The following CROCC2 variants were observed in gnomAD, a reference collection of about 807,000 sequenced individuals.
The protein encoded by CROCC2 is ciliary rootlet coiled-coil, rootletin family member 2, also known as ciliary rootlet coiled-coil protein 2.
Under a neutral mutation model 177.6 loss-of-function variants are expected in CROCC2, and 163 were observed. That is an observed-to-expected ratio of 0.92 (90% confidence interval 0.81 to 1.05). CROCC2 has a LOEUF of 1.05. Among genes scored for constraint, CROCC2 ranks in the 50% least tolerant of loss-of-function variants. CROCC2 has a pLI of 0.00. For synonymous variants in CROCC2, 904 were observed against 787.3 expected (o/e 1.15, Z -2.48); for missense variants, 1,929 against 1,797.8 (o/e 1.07, Z -1.32).
intron 31 of CROCC2, among the ~76,000 whole-genome samples, chr2:240,991,488 C>T (rs1229606596): frequency 6.6e-6 from 1 of 152,234 alleles, no homozygotes; most frequent in Non-Finnish European, 1.5e-5. Flanking sequence ...AGGCAGCCAC[C>T]GCCCGGGCCA....
chr2:240,946,504 G>T (rs1052624381), intron 15 of CROCC2, among the ~76,000 whole-genome samples: 5 of 152,372 alleles, frequency 3.3e-5, no homozygotes, highest in African/African-American at 9.6e-5. Context: ...CAGAAACACA[G>T]CTCAGACCAG....
At chr2:240,950,652 C>A in intron 18 of CROCC2, 142 bp downstream of exon 18, 1 of 799,468 alleles carries the variant, frequency 1.3e-6, no homozygotes, top group Non-Finnish European at 1.9e-6. Flanking sequence ...TCCATCCAAC[C>A]ATCCGTCCAC....
chr2:240,948,731 T>A, intron 15 of CROCC2, among the ~76,000 whole-genome samples: 1 of 152,282 alleles, frequency 6.6e-6, no homozygotes, highest in South Asian at 2.1e-4. Flanking sequence ...AATCACGCCG[T>A]ATGTGGGGGT....
intron 28 of CROCC2, among the ~76,000 whole-genome samples, chr2:240,987,926 T>G (rs2059851152): frequency 6.6e-6 from 1 of 152,204 alleles, no homozygotes; most frequent in Non-Finnish European, 1.5e-5. Context: ...CAACTCCCCA[T>G]GAGGCATGCC....
At chr2:240,947,928 C>A (rs557426382) in intron 15 of CROCC2, among the ~76,000 whole-genome samples, 140 of 152,146 alleles carry the variant, frequency 9.2e-4, no homozygotes, top group Non-Finnish European at 1.5e-3. Flanking sequence ...TTCTCCTGGG[C>A]CCCCAAGGAG....
chr2:240,989,611 C>T (rs568794890), intron 29 of CROCC2, 43 bp from the exon 30 acceptor site: 133 of 1,513,262 alleles, frequency 8.8e-5, no homozygotes, highest in Middle Eastern at 6.9e-4. Flanking sequence ...CTGTGCGGCC[C>T]TCAGTGAGAG....
intron 8 of CROCC2, 128 bp downstream of exon 8, chr2:240,932,542 C>T (rs371195955): frequency 4.2e-5 from 29 of 689,212 alleles, no homozygotes; most frequent in African/African-American, 3.9e-4. Flanking sequence ...CCCTGCAGTG[C>T]ACTTTGAGGC....
In CROCC2 at chr2:240,917,141, G is replaced by A. The variant is rs974778675; in HGVS notation, c.79-1585G>A. ...GACTGAGAGACAGACCCTGGTGCAC[G>A]GGCTGTCGGGAGGACGGGCGGGCTG... On this transcript the variant is annotated intron_variant, in intron 1 of 31. Transcript: ENST00000690015. The surrounding 1 kb of genome is among the most constrained non-coding windows in gnomAD (Gnocchi z 4.9). 3.3e-5 allele frequency among the ~76,000 whole-genome samples: 5 copies of A among 152,142 alleles called. No homozygotes were observed. Among genetic ancestry groups the A allele is most frequent in the African/African-American group, 1.2e-4 (5 of 41,440 alleles).
chr2:240,983,283 C>G (rs1264091143), intron 28 of CROCC2: 1 of 1,021,518 alleles, frequency 9.8e-7, no homozygotes, highest in Non-Finnish European at 1.4e-6. Flanking sequence ...CAGTAAGCAC[C>G]CCTACAACAG....
chr2:240,925,052 G>C (rs1348496291), intron 4 of CROCC2, among the ~76,000 whole-genome samples: 1 of 149,914 alleles, frequency 6.7e-6, no homozygotes, highest in Admixed American at 6.7e-5. Context: ...CAGCAACCAA[G>C]GCCCACCAGT....
intron 28 of CROCC2, among the ~76,000 whole-genome samples, chr2:240,984,126 G>A (rs986286099): frequency 7.2e-5 from 11 of 152,148 alleles, no homozygotes; most frequent in African/African-American, 2.7e-4. Context: ...CGGCCTCCCC[G>A]GTGCAAGACA....
intron 31 of CROCC2, among the ~76,000 whole-genome samples, chr2:240,992,346 G>A (rs558714634): frequency 6.6e-6 from 1 of 152,310 alleles, no homozygotes; most frequent in East Asian, 1.9e-4. Flanking sequence ...AGAGGCTCCC[G>A]GCCCCCACCC....
At chr2:240,967,636 G>A (rs1368175811) in intron 26 of CROCC2, 171 bp downstream of exon 26, 11 of 953,872 alleles carry the variant, frequency 1.2e-5, no homozygotes, top group Non-Finnish European at 8.7e-6. Flanking sequence ...GTCAGCGCTT[G>A]GCATCGGAGT....
intron 18 of CROCC2, 153 bp downstream of exon 18, chr2:240,950,663 T>TCACC (rs1310041348): frequency 1.4e-6 from 1 of 702,164 alleles, no homozygotes; most frequent in Non-Finnish European, 2.3e-6. Context: ...ATCCGTCCAC[T>TCACC]CACCCACCCA....
chr2:240,933,010 G>A (rs1004261611), intron 9 of CROCC2, 102 bp downstream of exon 9: 25 of 1,492,882 alleles, frequency 1.7e-5, no homozygotes, highest in Admixed American at 4.1e-5. Flanking sequence ...GAGCCCCATG[G>A]CTCCAGGGAG....
In CROCC2 at chr2:240,933,190, G is replaced by A; in HGVS notation, c.1311G>A (p.Leu437=). 6.5e-7 allele frequency: 1 copy of A among 1,549,812 alleles called. No individual in the cohort carries two copies. The highest frequency in any genetic ancestry group is 8.7e-7 in the Non-Finnish European group (1 of 1,146,646). The change falls in exon 10 of 32, where the codon CTG becomes CTA. Residue 437 remains leucine (L), a synonymous_variant. Transcript: ENST00000690015. ...TGGTGGCCAGTCTCCAGGAGCAGCT[G>A]TCCGAAAGCCGGCGGGAGCTGTGGG... is the stretch of plus-strand genomic sequence containing the variant. The part of the protein sequence containing the change: ...QALVASLQEQ[L]SESRRELWAA...
At position 240,993,100 on chromosome 2, in the gene CROCC2, GGCGCCCA is replaced by G. The variant is rs909310806; in HGVS notation, c.*23_*29del. ...GGACTGAAGCTCCCAGCACAGGGGA[GGCGCCCA>G]GCGTGGCTGCAGAGGAAGGGAACGC... On this transcript the variant is annotated 3_prime_UTR_variant, in exon 32 of 32. Coordinates refer to ENST00000690015, the MANE Select transcript of CROCC2 (RefSeq NM_001351305.2). 5.4e-5 allele frequency: 39 copies of G among 716,508 alleles called. No homozygotes were observed. The African/African-American group carries it at 6.1e-4, about 11-fold the overall frequency. 44.4% of individuals were successfully genotyped at this position (716,508 alleles called of 1,614,324 possible). A position where few individuals can be genotyped will look rare whatever the true frequency, so the allele number is the denominator to read the frequency against.
intron 1 of CROCC2, among the ~76,000 whole-genome samples, chr2:240,916,601 C>G (rs1386353769): frequency 6.6e-6 from 1 of 151,786 alleles, no homozygotes; most frequent in Non-Finnish European, 1.5e-5. Flanking sequence ...TGCAGGCACC[C>G]GTCCACAGAT....
At chr2:240,955,587 C>T in intron 18 of CROCC2, 1 of 440,126 alleles carries the variant, frequency 2.3e-6, no homozygotes, top group East Asian at 3.6e-5. Context: ...GGAGGATACC[C>T]CAGGGACGTG....
Sources: allele counts gnomAD v4.1 joint callset (sites outside exome capture counted in the v4.1 genomes callset), GRCh38; gene constraint gnomAD v4.1.1; non-coding constraint Gnocchi (gnomAD v3.1); transcripts MANE v1.5; gene names NCBI Gene and HGNC (gene_info 2026-07-23, HGNC 2026-07-21).